The following UBE2E3 variants were observed in gnomAD, a reference collection of about 807,000 sequenced individuals.
UBE2E3 encodes the protein ubiquitin conjugating enzyme E2 E3.
Under a neutral mutation model 23.6 loss-of-function variants are expected in UBE2E3, and 5 were observed. The observed-to-expected ratio is 0.21, with a 90% CI of 0.11 to 0.44. The LOEUF (loss-of-function observed/expected upper bound fraction) is 0.44. Ranked by LOEUF, UBE2E3 falls within the 20% of genes least tolerant of loss-of-function variation. The pLI, the probability that UBE2E3 is intolerant of heterozygous loss-of-function variation, is 0.99. For missense variants in UBE2E3, 81 were observed against 249.8 expected (o/e 0.32, Z 4.55); for synonymous variants, 78 against 87.5 (o/e 0.89, Z 0.60).
At chr2:181,031,944 T>G (rs1156855731) in intron 3 of UBE2E3, among the ~76,000 whole-genome samples, 1 of 152,054 alleles carries the variant, frequency 6.6e-6, no homozygotes, top group Admixed American at 6.6e-5. Context: ...ACTCAAAAGT[T>G]TGTCCGGCTC....
chr2:180,983,145 TTTA>T (rs1684354248), intron 2 of UBE2E3, among the ~76,000 whole-genome samples: 1 of 151,020 alleles, frequency 6.6e-6, no homozygotes, highest in Non-Finnish European at 1.5e-5. Flanking sequence ...TTTGTTAATT[TTTA>T]TTGATAACTA....
At chr2:181,023,404 A>G (rs76187270) in intron 3 of UBE2E3, among the ~76,000 whole-genome samples, 4 of 152,210 alleles carry the variant, frequency 2.6e-5, no homozygotes, top group South Asian at 2.1e-4. Context: ...AACAATGTAT[A>G]TTGCCACAAA....
chr2:180,982,221 C>A lies in UBE2E3; in HGVS notation c.179C>A (p.Ser60Tyr). Residue 60 changes from serine (S) to tyrosine (Y), a missense_variant, in exon 2 of 6, where the codon TCC (serine) becomes TAC (tyrosine). Ser to Tyr is a moderately radical substitution (Grantham distance 144). Coordinates refer to ENST00000410062, the MANE Select transcript of UBE2E3 (RefSeq NM_006357.4). The part of the protein sequence containing the change: ...KLSSKTTAKL[S>Y]TSAKRIQKEL... ...TCTAGCAAAACCACTGCTAAGTTAT[C>A]CACTAGTGCTAAAAGGTAATGTGTA... The A allele has an allele frequency of 6.2e-7, 1 of 1,611,568 alleles. No individual in the cohort carries two copies. The highest frequency in any genetic ancestry group is 8.5e-7 in the Non-Finnish European group (1 of 1,179,004).
At chr2:181,030,912 A>AT (rs1229448093) in intron 3 of UBE2E3, among the ~76,000 whole-genome samples, 1 of 152,074 alleles carries the variant, frequency 6.6e-6, no homozygotes, top group Non-Finnish European at 1.5e-5. Context: ...TTTAAAAAAA[A>AT]TTTTAGTTTT....
chr2:181,003,686 A>G (rs1375098228), intron 3 of UBE2E3, among the ~76,000 whole-genome samples: 1 of 152,200 alleles, frequency 6.6e-6, no homozygotes, highest in African/African-American at 2.4e-5. Context: ...CTGTGGAACC[A>G]GACTGTATTT....
rs149685056 is a variant in UBE2E3 at position 181,044,134 on chromosome 2, T to C, written c.246-13559T>C. ...AGTGGTATTTGAGCATAACTGTCCC[T>C]CCACATTTTTCCCAAGTACTACAAT... is the stretch of plus-strand genomic sequence containing the variant. On this transcript the variant is annotated intron_variant, in intron 3 of 5. Coordinates refer to ENST00000410062, the MANE Select transcript of UBE2E3 (RefSeq NM_006357.4). Among the ~76,000 whole-genome samples, 40 of 152,252 alleles carry C rather than the reference T, an allele frequency of 2.6e-4. No homozygotes were observed. In the East Asian group the frequency reaches 7.5e-3, roughly 29 times the overall value.
chr2:181,034,247 A>G (rs760236517), intron 3 of UBE2E3, among the ~76,000 whole-genome samples: 3 of 152,230 alleles, frequency 2.0e-5, no homozygotes, highest in Non-Finnish European at 4.4e-5. Flanking sequence ...TTGTGGCAGT[A>G]TTCACAGTAG....
At chr2:181,033,406 C>T (rs1332278900) in intron 3 of UBE2E3, among the ~76,000 whole-genome samples, 1 of 152,066 alleles carries the variant, frequency 6.6e-6, no homozygotes, top group African/African-American at 2.4e-5. Context: ...CTTTGACAAA[C>T]CTGACAAAAA....
intron 3 of UBE2E3, among the ~76,000 whole-genome samples, chr2:181,055,570 C>G (rs1335421023): frequency 6.6e-6 from 1 of 151,756 alleles, no homozygotes. Flanking sequence ...CTTCACTTGT[C>G]CTAAACTAGG....
At chr2:181,036,794 A>G (rs1241418818) in intron 3 of UBE2E3, among the ~76,000 whole-genome samples, 1 of 152,244 alleles carries the variant, frequency 6.6e-6, no homozygotes, top group African/African-American at 2.4e-5. Context: ...GCTTGATATT[A>G]GAAATATTTT....
intron 3 of UBE2E3, among the ~76,000 whole-genome samples, chr2:181,013,742 C>CTAGG (rs1287365718): frequency 2.0e-5 from 3 of 151,996 alleles, no homozygotes; most frequent in African/African-American, 7.2e-5. Flanking sequence ...TTTTTTTGAC[C>CTAGG]TAGGCTTGGA....
At chr2:180,996,314 A>G (rs1180393085) in intron 3 of UBE2E3, among the ~76,000 whole-genome samples, 2 of 152,206 alleles carry the variant, frequency 1.3e-5, no homozygotes, top group African/African-American at 2.4e-5. Flanking sequence ...GTTGTCAGAG[A>G]TAATTAAGTC....
intron 3 of UBE2E3, among the ~76,000 whole-genome samples, chr2:181,013,890 T>C (rs1338724251): frequency 6.6e-6 from 1 of 152,132 alleles, no homozygotes; most frequent in Non-Finnish European, 1.5e-5. Flanking sequence ...ACCAATATTA[T>C]TCATGTGGTC....
intron 3 of UBE2E3, among the ~76,000 whole-genome samples, chr2:180,992,244 T>G (rs769435613): frequency 3.5e-5 from 5 of 141,478 alleles, no homozygotes; most frequent in Non-Finnish European, 8.0e-5. Flanking sequence ...TTTTCCACTT[T>G]GCTTTCAAAT....
intron 3 of UBE2E3, among the ~76,000 whole-genome samples, chr2:181,035,481 A>G (rs1177094003): frequency 2.0e-5 from 3 of 152,034 alleles, no homozygotes; most frequent in Non-Finnish European, 4.4e-5. Flanking sequence ...CAGTAGATGT[A>G]TTATATATTA....
chr2:181,044,941 T>C (rs1456026220), intron 3 of UBE2E3, among the ~76,000 whole-genome samples: 1 of 152,200 alleles, frequency 6.6e-6, no homozygotes, highest in Non-Finnish European at 1.5e-5. Flanking sequence ...TAGAATTTTC[T>C]AAATGTTAGA....
intron 5 of UBE2E3, among the ~76,000 whole-genome samples, chr2:181,062,351 G>A (rs1687183297): frequency 6.6e-6 from 1 of 151,624 alleles, no homozygotes; most frequent in South Asian, 2.1e-4. Context: ...AGTGATTAGA[G>A]TCATATCAGG....
intron 3 of UBE2E3, among the ~76,000 whole-genome samples, chr2:181,045,922 C>G (rs889176374): frequency 6.6e-6 from 1 of 151,598 alleles, no homozygotes; most frequent in Admixed American, 6.6e-5. Context: ...ACTATTTTTC[C>G]TACACTCTTT....
chr2:180,999,216 C>A (rs4531897), intron 3 of UBE2E3, among the ~76,000 whole-genome samples: 2 of 151,848 alleles, frequency 1.3e-5, no homozygotes, highest in African/African-American at 2.4e-5. Flanking sequence ...ATTACATGAC[C>A]GCAAAGAATG....
Sources: gnomAD v4.1 joint callset for allele counts (sites outside exome capture counted in the v4.1 genomes callset) on GRCh38, gnomAD v4.1.1 for gene constraint, MANE v1.5 for transcripts, NCBI Gene and HGNC (gene_info 2026-07-23, HGNC 2026-07-21) for gene names.